The following TENM3 variants were observed in gnomAD, a reference collection of about 807,000 sequenced individuals.
TENM3 encodes teneurin-3.
TENM3 carries 63 observed loss-of-function variants against 255.1 expected under a neutral mutation model. The ratio of observed to expected loss-of-function variants is 0.25; its 90% confidence interval spans 0.20 to 0.30. TENM3 has a LOEUF of 0.30. TENM3 is among the 10% of genes least tolerant of loss of function. TENM3 has a pLI of 1.00. For synonymous variants in TENM3, 1,306 were observed against 1,322.3 expected, an observed-to-expected ratio of 0.99 and a Z score of 0.27; for missense variants, 2,929 against 3,461.1, an observed-to-expected ratio of 0.85 and a Z score of 3.86.
rs113836588 is a variant in TENM3 at position 182,796,490 on chromosome 4, G to A, written c.7214-147G>A. 1.5e-5 allele frequency: 11 copies of A among 738,546 alleles called. 1 individual carries two copies. The highest frequency in any genetic ancestry group is 1.1e-4 in the African/African-American group (6 of 56,072). 45.7% of individuals were successfully genotyped at this position (738,546 alleles called of 1,614,324 possible). ...CCGTCTTCATGTCTAAAAACAGTAGGTTTAGATTTGTAGGACGAAAGCAAA... is the reference window on the plus strand; with the variant it reads ...CCGTCTTCATGTCTAAAAACAGTAGATTTAGATTTGTAGGACGAAAGCAAA... On this transcript the variant is annotated intron_variant, in intron 26 of 27. Coordinates refer to ENST00000511685, the MANE Select transcript of TENM3 (RefSeq NM_001080477.4).
intron 22 of TENM3, among the ~76,000 whole-genome samples, chr4:182,767,403 G>C (rs1206750674): frequency 6.6e-6 from 1 of 152,174 alleles, no homozygotes; most frequent in African/African-American, 2.4e-5. Context: ...CTCAACAACA[G>C]ATACGAGGCT....
chr4:182,000,197 A>C, the TENM3 span, among the ~76,000 whole-genome samples: 2 of 152,136 alleles, frequency 1.3e-5, no homozygotes, highest in African/African-American at 4.8e-5. Context: ...GTAGCTGTTC[A>C]GTGAAATATA....
At chr4:182,159,891 A>G (rs1473190255) in intron 1 of TENM3, among the ~76,000 whole-genome samples, 1 of 152,206 alleles carries the variant, frequency 6.6e-6, no homozygotes, top group Non-Finnish European at 1.5e-5. Context: ...AAGATTTTTG[A>G]CATTTCGAGA....
intron 1 of TENM3, among the ~76,000 whole-genome samples, chr4:182,287,305 C>T (rs1760792139): frequency 6.6e-6 from 1 of 152,200 alleles, no homozygotes; most frequent in Non-Finnish European, 1.5e-5. Context: ...CTGTCTCCAT[C>T]ACACTCCACT....
At chr4:182,248,844 T>C (rs751114706) in intron 1 of TENM3, among the ~76,000 whole-genome samples, 1 of 152,220 alleles carries the variant, frequency 6.6e-6, no homozygotes, top group Non-Finnish European at 1.5e-5. Context: ...AAGTTCTTTA[T>C]AACCATATAT....
intron 3 of TENM3, among the ~76,000 whole-genome samples, chr4:182,399,956 T>A (rs56209402): frequency 0.27 from 41,534 of 152,014 alleles, 6,207 homozygotes; most frequent in Middle Eastern, 0.39. Context: ...TTTGCTATTT[T>A]AAAAATTGAA....
chr4:182,549,733 C>T (rs777082258), intron 3 of TENM3, among the ~76,000 whole-genome samples: 105 of 152,054 alleles, frequency 6.9e-4, no homozygotes, highest in Non-Finnish European at 9.6e-4. Flanking sequence ...AAGAATTGGC[C>T]TTTCTAATAA....
the TENM3 span, among the ~76,000 whole-genome samples, chr4:182,048,619 G>A: frequency 5.3e-5 from 8 of 152,138 alleles, no homozygotes; most frequent in African/African-American, 1.9e-4. Flanking sequence ...TAAAGGATAT[G>A]TTTTTGTACC....
chr4:181,952,819 C>T, the TENM3 span, among the ~76,000 whole-genome samples: 1 of 152,200 alleles, frequency 6.6e-6, no homozygotes, highest in Non-Finnish European at 1.5e-5. Context: ...GCTGGGGGGC[C>T]AAGGGGCGTC....
chr4:182,307,650 A>T (rs1456964532), intron 1 of TENM3, among the ~76,000 whole-genome samples: 1 of 152,246 alleles, frequency 6.6e-6, no homozygotes, highest in Non-Finnish European at 1.5e-5. Context: ...TTTAAAGCAG[A>T]GCCGTGGTGG....
chr4:182,500,559 G>A (rs1736210879), intron 3 of TENM3, among the ~76,000 whole-genome samples: 1 of 152,114 alleles, frequency 6.6e-6, no homozygotes, highest in Non-Finnish European at 1.5e-5. Flanking sequence ...AGCAGTATAT[G>A]TTTAAAATTT....
chr4:182,161,349 A>G lies in TENM3; in HGVS notation c.-76+16595A>G, dbSNP rs574658979. ...GAGAATGGCGTGAACCCGGGAGGCG[A>G]AGCTTGCAGTGAGCCGAGATCGCGC... On this transcript the variant is annotated intron_variant, in intron 1 of 2. Transcript: ENST00000512480. 2.0e-4 allele frequency among the ~76,000 whole-genome samples: 26 copies of G among 128,512 alleles called. 2 individuals are homozygous for G. The highest frequency in any genetic ancestry group is 2.9e-4 in the Non-Finnish European group (18 of 61,342). The allele number at this position is 128,512 out of a possible 152,430, so 84.3% of individuals were successfully genotyped here. A position where few individuals can be genotyped will look rare whatever the true frequency, so the allele number is the denominator to read the frequency against.
At chr4:182,286,889 C>T (rs78353367) in intron 1 of TENM3, among the ~76,000 whole-genome samples, 4,237 of 152,198 alleles carry the variant, frequency 0.028, 198 homozygotes, top group African/African-American at 0.096. Flanking sequence ...TCAGATTACA[C>T]AACAGTCCAG....
At chr4:182,364,365 A>G (rs912651117) in intron 3 of TENM3, among the ~76,000 whole-genome samples, 1 of 152,148 alleles carries the variant, frequency 6.6e-6, no homozygotes, top group African/African-American at 2.4e-5. Context: ...TTGTGTGTGT[A>G]TATTTTTAAA....
At chr4:181,848,431 C>T in the TENM3 span, among the ~76,000 whole-genome samples, 2 of 152,102 alleles carry the variant, frequency 1.3e-5, no homozygotes, top group Non-Finnish European at 2.9e-5. Flanking sequence ...GAAATGTCCA[C>T]GTTGTTATTT....
the TENM3 span, among the ~76,000 whole-genome samples, chr4:181,569,293 T>C: frequency 1.3e-5 from 2 of 152,202 alleles, no homozygotes; most frequent in Non-Finnish European, 2.9e-5. Flanking sequence ...TTTAAGCTTC[T>C]CGTTGATTTC....
At chr4:181,786,262 G>A in the TENM3 span, among the ~76,000 whole-genome samples, 5 of 152,270 alleles carry the variant, frequency 3.3e-5, no homozygotes, top group South Asian at 1.0e-3. Context: ...AAAGGCCGAA[G>A]GAAAACATCT....
At chr4:182,392,478 T>C (rs1296554605) in intron 3 of TENM3, among the ~76,000 whole-genome samples, 4 of 152,240 alleles carry the variant, frequency 2.6e-5, no homozygotes, top group African/African-American at 9.6e-5. Flanking sequence ...GGCTACATGG[T>C]ACGTCCAGCC....
the TENM3 span, among the ~76,000 whole-genome samples, chr4:181,455,206 A>G: frequency 6.6e-6 from 1 of 152,116 alleles, no homozygotes; most frequent in Admixed American, 6.6e-5. Context: ...TAGCAAACCA[A>G]TGCAAGAGAG....
Sources: gnomAD v4.1 joint callset for allele counts (sites outside exome capture counted in the v4.1 genomes callset) on GRCh38, gnomAD v4.1.1 for gene constraint, MANE v1.5 for transcripts, NCBI Gene and HGNC (gene_info 2026-07-23, HGNC 2026-07-21) for gene names.